Variants in SLC35F3 observed in about 807,000 individuals in gnomAD.
SLC35F3 encodes the protein putative thiamine transporter SLC35F3.
A neutral mutation model predicts 49.9 loss-of-function variants in SLC35F3; 25 were observed. The observed-to-expected ratio is 0.50, with a 90% confidence interval of 0.37 to 0.70. The LOEUF (loss-of-function observed/expected upper bound fraction) is 0.70. SLC35F3 is among the 30% of genes least tolerant of loss of function. The pLI is 0.00. For synonymous variants in SLC35F3, 275 were observed against 265.4 expected (o/e 1.04, Z -0.35); for missense variants, 525 against 639.8 (o/e 0.82, Z 1.94).
chr1:234,113,143 A>G (rs774347359), intron 2 of SLC35F3, among the ~76,000 whole-genome samples: 1 of 152,222 alleles, frequency 6.6e-6, no homozygotes, highest in Non-Finnish European at 1.5e-5. Context: ...AGTTTCTGAC[A>G]TAATCAAAGC....
At chr1:233,988,322 G>A (rs1484992837) in intron 2 of SLC35F3, among the ~76,000 whole-genome samples, 3 of 152,144 alleles carry the variant, frequency 2.0e-5, no homozygotes, top group Non-Finnish European at 4.4e-5. Flanking sequence ...AAATGAATGG[G>A]GACAGAGGCT....
chr1:234,191,031 G>A (rs565975121), intron 2 of SLC35F3, among the ~76,000 whole-genome samples: 35 of 152,282 alleles, frequency 2.3e-4, no homozygotes, highest in African/African-American at 8.4e-4. Flanking sequence ...TATATATTAG[G>A]TAACAAGAGC....
intron 3 of SLC35F3, among the ~76,000 whole-genome samples, chr1:234,282,586 G>A (rs1434356780): frequency 6.6e-6 from 1 of 152,222 alleles, no homozygotes; most frequent in Non-Finnish European, 1.5e-5. Context: ...CAACCAGCTG[G>A]GGGAGAATGA....
intron 2 of SLC35F3, among the ~76,000 whole-genome samples, chr1:233,942,904 C>T (rs1412268828): frequency 6.6e-6 from 1 of 152,214 alleles, no homozygotes; most frequent in Admixed American, 6.5e-5. Context: ...CTCTCTGCTT[C>T]TGTAAATATG....
intron 2 of SLC35F3, among the ~76,000 whole-genome samples, chr1:234,064,893 C>A (rs1191939188): frequency 1.3e-5 from 2 of 151,980 alleles, no homozygotes; most frequent in South Asian, 4.1e-4. Context: ...GAAAGCCGGC[C>A]AGAATAGGAT....
chr1:234,097,189 T>C (rs1665138112), intron 2 of SLC35F3, among the ~76,000 whole-genome samples: 1 of 152,120 alleles, frequency 6.6e-6, no homozygotes, highest in Admixed American at 6.6e-5. Context: ...GGGCCCAGAC[T>C]ACTTTGGGAA....
intron 2 of SLC35F3, among the ~76,000 whole-genome samples, chr1:234,049,569 G>C (rs1397133057): frequency 1.3e-5 from 2 of 152,138 alleles, no homozygotes; most frequent in African/African-American, 4.8e-5. Flanking sequence ...CACTCAGTCT[G>C]TGGTATTTTA....
chr1:233,949,234 T>G (rs1400802479), intron 2 of SLC35F3, among the ~76,000 whole-genome samples: 4 of 152,166 alleles, frequency 2.6e-5, no homozygotes, highest in African/African-American at 9.7e-5. Flanking sequence ...TTTCTTTCCC[T>G]TTTCTCATGT....
intron 2 of SLC35F3, among the ~76,000 whole-genome samples, chr1:234,064,607 AGTT>A (rs1664588292): frequency 6.6e-6 from 1 of 152,096 alleles, no homozygotes; most frequent in Non-Finnish European, 1.5e-5. Context: ...CTTTCTTTAT[AGTT>A]GTTGTGCTGT....
chr1:234,112,553 A>G (rs1342810942), intron 2 of SLC35F3, among the ~76,000 whole-genome samples: 2 of 108,614 alleles, frequency 1.8e-5, no homozygotes, highest in Non-Finnish European at 4.1e-5. Flanking sequence ...TATAATTCAC[A>G]CTCTTTTTTT....
chr1:234,152,351 G>A (rs773450663), intron 2 of SLC35F3, among the ~76,000 whole-genome samples: 5 of 151,868 alleles, frequency 3.3e-5, no homozygotes, highest in Admixed American at 6.6e-5. Context: ...CGTCATCTAC[G>A]TTAGGTATTT....
intron 2 of SLC35F3, among the ~76,000 whole-genome samples, chr1:233,995,312 A>G (rs1172428796): frequency 6.6e-6 from 1 of 152,202 alleles, no homozygotes; most frequent in African/African-American, 2.4e-5. Context: ...GTGCTTCTGA[A>G]TGAGGGCAGA....
At chr1:234,006,541 T>C (rs1663633815) in intron 2 of SLC35F3, among the ~76,000 whole-genome samples, 1 of 152,238 alleles carries the variant, frequency 6.6e-6, no homozygotes, top group Non-Finnish European at 1.5e-5. Context: ...ACACAGAGGT[T>C]TCTGTATTCC....
In SLC35F3 at chr1:234,039,285, C is replaced by T. The variant is rs113708027; in HGVS notation, c.283+133527C>T. Reference sequence around the variant, plus strand: ...GAAAATCCAGACAGGAGAGTATCCTCGAAGTCAAGGAATGAAACCATTCAA... The same window carrying T: ...GAAAATCCAGACAGGAGAGTATCCTTGAAGTCAAGGAATGAAACCATTCAA... On this transcript the variant is annotated intron_variant, in intron 2 of 7. Transcript: ENST00000366618. 1.7e-3 allele frequency among the ~76,000 whole-genome samples: 259 copies of T among 152,230 alleles called. 1 individual carries two copies. The highest frequency in any genetic ancestry group is 6.8e-3 in the Middle Eastern group (2 of 294).
chr1:233,998,316 A>C (rs1450603708), intron 2 of SLC35F3, among the ~76,000 whole-genome samples: 1 of 152,010 alleles, frequency 6.6e-6, no homozygotes, highest in Non-Finnish European at 1.5e-5. Flanking sequence ...TGTGTTGCAA[A>C]TATGATAGCA....
intron 2 of SLC35F3, among the ~76,000 whole-genome samples, chr1:234,052,577 T>C (rs960173375): frequency 6.6e-5 from 10 of 152,170 alleles, no homozygotes; most frequent in African/African-American, 2.4e-4. Flanking sequence ...GTTGATCTTT[T>C]CAAAAAATGA....
chr1:233,976,589 A>AC (rs1224090763), intron 2 of SLC35F3, among the ~76,000 whole-genome samples: 1 of 152,134 alleles, frequency 6.6e-6, no homozygotes, highest in African/African-American at 2.4e-5. Flanking sequence ...TGTTGTGCAT[A>AC]ATTTCATAGT....
intron 2 of SLC35F3, among the ~76,000 whole-genome samples, chr1:233,921,556 T>C (rs1365000899): frequency 6.6e-6 from 1 of 152,104 alleles, no homozygotes; most frequent in Non-Finnish European, 1.5e-5. Context: ...CATCCCTCCC[T>C]CCCCTCAAAC....
In SLC35F3 at chr1:234,323,252, C is replaced by T; in HGVS notation, c.*9C>T. On this transcript the variant is annotated 3_prime_UTR_variant, in exon 8 of 8. Coordinates refer to ENST00000366618, the MANE Select transcript of SLC35F3 (RefSeq NM_173508.4). This position sits in a 1 kb window ranked among gnomAD's most constrained non-coding sequence, Gnocchi z 4.5. ...CTTCCTTCGCCCGCTAACACCACTC[C>T]TCTAGAACTCGGTGGTAATGACTGG... 1 of 1,609,388 alleles carries T rather than the reference C, an allele frequency of 6.2e-7. No homozygotes were observed. The highest frequency in any genetic ancestry group is 1.1e-5 in the South Asian group (1 of 90,408).
Sources: gnomAD v4.1 joint callset for allele counts (sites outside exome capture counted in the v4.1 genomes callset) on GRCh38, gnomAD v4.1.1 for gene constraint, Gnocchi (gnomAD v3.1) non-coding constraint, MANE v1.5 for transcripts, NCBI Gene and HGNC (gene_info 2026-07-23, HGNC 2026-07-21) for gene names.